Variants in NBPF11 observed in about 807,000 individuals in gnomAD.
NBPF11 encodes the protein NBPF member 11, also known as NBPF family member NBPF11.
In NBPF11, 72 loss-of-function variants were observed where a neutral mutation model predicts 93.9. The observed-to-expected ratio is 0.77, with a 90% confidence interval of 0.63 to 0.93. NBPF11 has a LOEUF of 0.93. Ranked by LOEUF, NBPF11 falls within the 40% of genes least tolerant of loss-of-function variation. NBPF11 has a pLI of 0.00. For synonymous variants in NBPF11, 224 were observed against 304.9 expected, an observed-to-expected ratio of 0.73 and a Z score of 2.76; for missense variants, 705 against 802.2, an observed-to-expected ratio of 0.88 and a Z score of 1.46.
chr1:148,105,581 G>C (rs1663357238), intron 21 of NBPF11, 53 bp from the exon 22 acceptor site: 1 of 718,384 alleles, frequency 1.4e-6, no homozygotes, highest in Non-Finnish European at 2.5e-6. Flanking sequence ...ACACACAACA[G>C]AGCCCCAACT....
chr1:148,134,696 T>A (rs1670977700), intron 4 of NBPF11, among the ~76,000 whole-genome samples: 3 of 151,802 alleles, frequency 2.0e-5, no homozygotes, highest in Non-Finnish European at 4.4e-5. Context: ...GTTTATTTCA[T>A]GCCTTTCTAA....
intron 2 of NBPF11, among the ~76,000 whole-genome samples, chr1:148,142,717 C>T (rs1373539296): frequency 6.6e-6 from 1 of 151,268 alleles, no homozygotes; most frequent in African/African-American, 2.4e-5. Context: ...TATGGGGCCT[C>T]TAGCCCAGAG....
At chr1:148,140,534 G>C (rs1468368222) in intron 2 of NBPF11, among the ~76,000 whole-genome samples, 5 of 150,422 alleles carry the variant, frequency 3.3e-5, no homozygotes, top group Non-Finnish European at 7.4e-5. Flanking sequence ...TGGAAAAACT[G>C]CTGTCCAAAA....
At chr1:148,146,831 A>T in intron 1 of NBPF11, 1 of 1,613,174 alleles carries the variant, frequency 6.2e-7, no homozygotes, top group Non-Finnish European at 8.5e-7. Flanking sequence ...TTCACCTACG[A>T]CTCCTCCGGC....
chr1:148,149,679 C>T (rs1484854889), intron 1 of NBPF11: 2 of 786,926 alleles, frequency 2.5e-6, no homozygotes, highest in East Asian at 2.7e-5. Flanking sequence ...CAGGGGACCC[C>T]GCCCCGACCC....
At chr1:148,146,992 G>C in intron 1 of NBPF11, 2 of 1,397,202 alleles carry the variant, frequency 1.4e-6, no homozygotes, top group Non-Finnish European at 1.9e-6. Context: ...GCCGGGGGGC[G>C]GGCTTCCCTG....
intron 23 of NBPF11, 34 bp from the exon 24 acceptor site, chr1:148,103,946 G>A (rs1457998218): frequency 2.5e-6 from 4 of 1,610,338 alleles, no homozygotes; most frequent in African/African-American, 2.7e-5. Flanking sequence ...GAAGCAGCCA[G>A]GGAAAATCAG....
chr1:148,106,752 T>C lies in NBPF11; in HGVS notation c.2251+190A>G, dbSNP rs1284340496. The stretch of plus-strand genomic sequence containing the variant: ...ATGGCTGGAGACTAGGAATAGAGCC[T>C]TGCTCACTGACCCATTTCATGTCTA... On this transcript the variant is annotated intron_variant, in intron 20 of 23. Transcript: ENST00000682118. Among the ~76,000 whole-genome samples the C allele has an allele frequency of 1.1e-4, 16 of 148,572 alleles. No individual in the cohort carries two copies. The East Asian group carries it at 2.2e-3, about 20-fold the overall frequency.
intron 17 of NBPF11, among the ~76,000 whole-genome samples, chr1:148,109,041 G>C (rs1378698959): frequency 6.6e-6 from 1 of 151,362 alleles, no homozygotes; most frequent in Non-Finnish European, 1.5e-5. Flanking sequence ...TTTCCCTGCA[G>C]TCACCATGAG....
intron 4 of NBPF11, among the ~76,000 whole-genome samples, chr1:148,131,352 AC>A (rs1670306981): frequency 6.6e-6 from 1 of 151,660 alleles, no homozygotes. Flanking sequence ...GCCTCCACAG[AC>A]AAGTTTATTG....
intron 4 of NBPF11, 69 bp from the exon 5 acceptor site, chr1:148,127,107 T>A (rs1384821016): frequency 2.1e-6 from 1 of 474,736 alleles, no homozygotes; most frequent in African/African-American, 4.8e-5. Flanking sequence ...TAATCAGGAC[T>A]GAGGGATGTC....
intron 1 of NBPF11, among the ~76,000 whole-genome samples, chr1:148,150,502 T>C (rs1367258705): frequency 6.7e-6 from 1 of 148,220 alleles, no homozygotes; most frequent in Non-Finnish European, 1.5e-5. Flanking sequence ...AAGCTAGCAT[T>C]TTAGAATAGA....
intron 15 of NBPF11, among the ~76,000 whole-genome samples, chr1:148,111,702 G>GA (rs1665316524): frequency 1.3e-5 from 2 of 151,592 alleles, no homozygotes; most frequent in African/African-American, 4.9e-5. Flanking sequence ...GAAATTTAGA[G>GA]AAAAAAGAGT....
At position 148,108,432 on chromosome 1, in the gene NBPF11, T is replaced by C. The variant is rs781987670; in HGVS notation, c.2026+50A>G. The C allele has an allele frequency of 6.4e-4, 822 of 1,282,812 alleles. 4 individuals carry two copies. The highest frequency in any genetic ancestry group is 8.5e-4 in the Non-Finnish European group (759 of 890,682). The allele number at this position is 1,282,812 out of a possible 1,614,324, so 79.5% of individuals were successfully genotyped here. ...GCCACTTGCAGTAGGAATATGACCC[T>C]AAACAGAAGACTCAGTGGATCCTTA... On this transcript the variant is annotated intron_variant, in intron 18 of 23. Coordinates refer to ENST00000682118, the MANE Select transcript of NBPF11 (RefSeq NM_001385469.3).
In NBPF11 at chr1:148,126,976, T is replaced by C. The variant is rs1669271091; in HGVS notation, c.28A>G (p.Ser10Gly). The change falls in exon 5 of 24, where the codon AGC becomes GGC. Residue 10 changes from serine (S) to glycine (G), a missense_variant. Transcript: ENST00000682118. ...AGAATGTTCATCTCTGCCTTCTCGC[T>C]GGACCAAGGGCCGGCTGATACCACC... MVVSAGPWS[S>G]EKAEMNILEI... 1 of 799,142 alleles carries C rather than the reference T, an allele frequency of 1.3e-6. No individual in the cohort carries two copies. Among genetic ancestry groups the C allele is most frequent in the East Asian group, 2.5e-5 (1 of 39,838 alleles). The allele number at this position is 799,142 out of a possible 1,614,324, so 49.5% of individuals were successfully genotyped here. A position where few individuals can be genotyped will look rare whatever the true frequency, so the allele number is the denominator to read the frequency against.
Position 148,105,481 on chromosome 1 carries a change from T to A in NBPF11, c.2351A>T (p.Asp784Val). 9.1e-7 allele frequency: 1 copy of A among 1,100,284 alleles called. No homozygotes were observed. The allele number at this position is 1,100,284 out of a possible 1,614,324, so 68.2% of individuals were successfully genotyped here. A position where few individuals can be genotyped will look rare whatever the true frequency, so the allele number is the denominator to read the frequency against. ...AAGGAGTTGAATAACATCCAGTGAG[T>A]CCTGCAAGACTTCAGGCTCTACTAC... ...LEVVEPEVLQ[D>V]SLDVIQLLPV... is the part of the protein sequence containing the mutation. The change falls in exon 22 of 24, where the codon GAC becomes GTC. Residue 784 changes from aspartate to valine, a missense_variant. By Grantham distance (152) the Asp-to-Val change is radical. Coordinates refer to ENST00000682118, the MANE Select transcript of NBPF11 (RefSeq NM_001385469.3).
intron 22 of NBPF11, 107 bp downstream of exon 22, chr1:148,105,253 T>C: frequency 3.1e-6 from 2 of 649,746 alleles, no homozygotes; most frequent in Admixed American, 4.7e-5. Flanking sequence ...AGGTCCTCAC[T>C]GCGGCAATGA....
At chr1:148,114,778 T>C (rs1197767601) in intron 14 of NBPF11, among the ~76,000 whole-genome samples, 2 of 145,922 alleles carry the variant, frequency 1.4e-5, no homozygotes, top group African/African-American at 5.1e-5. Context: ...CAAAAATTGG[T>C]CAAACAATTT....
At chr1:148,130,924 G>A (rs1421017856) in intron 4 of NBPF11, among the ~76,000 whole-genome samples, 1 of 151,982 alleles carries the variant, frequency 6.6e-6, no homozygotes, top group East Asian at 1.9e-4. Context: ...ATGCATCAAT[G>A]TAATTTTAAA....
Sources: allele counts gnomAD v4.1 joint callset (sites outside exome capture counted in the v4.1 genomes callset), GRCh38; gene constraint gnomAD v4.1.1; transcripts MANE v1.5; gene names NCBI Gene and HGNC (gene_info 2026-07-23, HGNC 2026-07-21).